SALL3: variants seen among roughly 807,000 people sequenced by gnomAD.
SALL3 encodes the protein spalt like transcription factor 3.
Under a neutral mutation model 66.2 loss-of-function variants are expected in SALL3, and 25 were observed. The observed-to-expected ratio is 0.38, with a 90% CI of 0.28 to 0.53. The LOEUF is 0.53. Among genes scored for constraint, SALL3 ranks in the 20% least tolerant of loss-of-function variants. The probability of loss-of-function intolerance (pLI) is 0.85; values close to 1 mark genes in which losing one functional copy is unlikely to be tolerated. For missense variants in SALL3, 2,194 were observed against 1,916.5 expected (o/e 1.14, Z -2.70); for synonymous variants, 1,152 against 899.1 (o/e 1.28, Z -5.03).
chr18:78,992,694 C>T lies in SALL3; in HGVS notation c.703C>T (p.Arg235Cys), dbSNP rs2472641. ...CCGCAGCCAGGTGGCCCTCATGCAG[C>T]GCCCGCCGCCGCGGCCCTCACTCAG... ...QIRSQVALMQ[R>C]PPPRPSLSPA... is the part of the protein sequence containing the mutation. Residue 235 changes from arginine (R) to cysteine (C), a missense_variant, in exon 2 of 3, where the codon CGC becomes TGC. Physicochemically the swap from Arg to Cys is radical, Grantham distance 180 (BLOSUM62 -3). Transcript: ENST00000537592. The T allele has an allele frequency of 1.3e-6, 2 of 1,509,080 alleles. No individual in the cohort carries two copies. The highest frequency in any genetic ancestry group is 5.6e-5 in the East Asian group (2 of 35,958). The allele number at this position is 1,509,080 out of a possible 1,614,324, so 93.5% of individuals were successfully genotyped here.
At position 78,994,405 on chromosome 18, in the gene SALL3, T is replaced by G; in HGVS notation, c.2414T>G (p.Met805Arg). ...GATGACGACATGGACGAGAACTCCA[T>G]GGAGGACGACGCTGAGCTGAAGGAC... ...SYDDDMDENS[M>R]EDDAELKDAA... The change falls in exon 2 of 3, where the codon ATG (methionine) becomes AGG (arginine). Residue 805 changes from methionine (M) to arginine (R), a missense_variant. Physicochemically the swap from Met to Arg is moderately conservative, Grantham distance 91 (BLOSUM62 -1). Transcript: ENST00000537592. 6.2e-7 allele frequency: 1 copy of G among 1,612,968 alleles called. No homozygotes were observed. The highest frequency in any genetic ancestry group is 8.5e-7 in the Non-Finnish European group (1 of 1,179,988).
Position 78,995,219 on chromosome 18 carries a change from GGGTCCCCCGCTGCCCGCGGGCGTCCA to G in SALL3, c.3236_3261del (p.Pro1079ArgfsTer45). ...ACGGCAAGGCCATGGCGCTGGGCGA[GGGTCCCCCGCTGCCCGCGGGCGTCCA>G]GGTCCCCGCCGGGCCTCAGACAGTG... On this transcript the variant is annotated frameshift_variant, in exon 2 of 3. Transcript: ENST00000537592. LOFTEE classifies it high-confidence loss of function. 1 of 1,607,414 alleles carries G rather than the reference GGGTCCCCCGCTGCCCGCGGGCGTCCA, an allele frequency of 6.2e-7. No homozygotes were observed. Among genetic ancestry groups the G allele is most frequent in the Non-Finnish European group, 8.5e-7 (1 of 1,179,902 alleles).
In SALL3 at chr18:78,997,539, C is replaced by G. The variant is rs970429922; in HGVS notation, c.*217C>G. ...ACTCTGCAATCTTTTAAATAAGCTTCCTTCAAAAAAAAAAGTGCTTGGAAA... is the reference window on the plus strand; with the variant it reads ...ACTCTGCAATCTTTTAAATAAGCTTGCTTCAAAAAAAAAAGTGCTTGGAAA... On this transcript the variant is annotated 3_prime_UTR_variant, in exon 3 of 3. Transcript: ENST00000537592. 2 of 535,398 alleles carry G rather than the reference C, an allele frequency of 3.7e-6. No homozygotes were observed. Among genetic ancestry groups the G allele is most frequent in the African/African-American group, 3.8e-5 (2 of 52,888 alleles). The allele number at this position is 535,398 out of a possible 1,614,324, so 33.2% of individuals were successfully genotyped here.
In SALL3 at chr18:78,982,901, A is replaced by C. The variant is rs546564428; in HGVS notation, c.82+2545A>C. ...GTCCTGCAGAACAAATATTCTATGC[A>C]AAAATGTTTAGTATAATGGGGGACA... On this transcript the variant is annotated intron_variant, in intron 1 of 2. Coordinates refer to ENST00000537592, the MANE Select transcript of SALL3 (RefSeq NM_171999.4). 2.6e-5 allele frequency among the ~76,000 whole-genome samples: 4 copies of C among 152,328 alleles called. No homozygotes were observed. The South Asian group carries it at 8.3e-4, about 32-fold the overall frequency.
rs750986000 is a variant in SALL3, at chr18:78,992,598, C to CCCCTGATCCTGGAACAGCTCATGG, written c.613_636dup (p.Ile205_Leu212dup). ...TGGAGGCGTGGCAGCTGCAGCCGTGCCCCTGATCCTGGAACAGCTCATGGC... is the reference window on the plus strand; with the variant it reads ...TGGAGGCGTGGCAGCTGCAGCCGTGCCCCTGATCCTGGAACAGCTCATGGCCCTGATCCTGGAACAGCTCATGGC... On this transcript the variant is annotated inframe_insertion, in exon 2 of 3. Coordinates refer to ENST00000537592, the MANE Select transcript of SALL3 (RefSeq NM_171999.4). The CCCCTGATCCTGGAACAGCTCATGG allele has an allele frequency of 1.0e-5, 16 of 1,535,672 alleles. No individual in the cohort carries two copies. Among genetic ancestry groups the CCCCTGATCCTGGAACAGCTCATGG allele is most frequent in the Admixed American group, 1.8e-5 (1 of 54,542 alleles).
chr18:78,989,488 T>A (rs996505702), intron 1 of SALL3, among the ~76,000 whole-genome samples: 2 of 152,350 alleles, frequency 1.3e-5, no homozygotes, highest in South Asian at 4.1e-4. Flanking sequence ...TGTAAGTTAA[T>A]TCTTTCAACA....
intron 2 of SALL3, among the ~76,000 whole-genome samples, 185 bp downstream of exon 2, chr18:78,995,647 G>A (rs1257173759): frequency 6.6e-6 from 1 of 152,054 alleles, no homozygotes; most frequent in Non-Finnish European, 1.5e-5. Flanking sequence ...TGTGTGTGTC[G>A]GGTGTGCGTG....
chr18:78,992,750 G>T lies in SALL3; in HGVS notation c.759G>T (p.Pro253=). Residue 253 remains proline (P), a synonymous_variant, in exon 2 of 3, where the codon CCG becomes CCT. Transcript: ENST00000537592. The stretch of plus-strand genomic sequence containing the variant: ...CGGCCGCCCCGAGCGCACCGGGCCC[G>T]GCCCCCAGCCAGCTGCCCGGGCTGG... ...SPAAAPSAPG[P]APSQLPGLAA... 1.7e-6 allele frequency: 2 copies of T among 1,164,536 alleles called. No homozygotes were observed. The highest frequency in any genetic ancestry group is 1.7e-5 in the African/African-American group (1 of 59,736). 72.1% of individuals were successfully genotyped at this position (1,164,536 alleles called of 1,614,324 possible). A position where few individuals can be genotyped will look rare whatever the true frequency, so the allele number is the denominator to read the frequency against.
In SALL3 at chr18:78,993,244, T is replaced by A. The variant is rs1488612382; in HGVS notation, c.1253T>A (p.Phe418Tyr). The A allele has an allele frequency of 6.2e-6, 10 of 1,611,032 alleles. No individual in the cohort carries two copies. Among genetic ancestry groups the A allele is most frequent in the Non-Finnish European group, 7.6e-6 (9 of 1,179,734 alleles). ...EPKASAEDPF[F>Y]KHKCRFCAKV... ...AAAGCCAGCGCCGAGGACCCGTTCT[T>A]CAAGCACAAATGCCGCTTCTGCGCC... Residue 418 changes from phenylalanine (F) to tyrosine (Y), a missense_variant, in exon 2 of 3, where the codon TTC (phenylalanine) becomes TAC (tyrosine). Transcript: ENST00000537592.
chr18:78,990,811 G>A (rs1914404082), intron 1 of SALL3, among the ~76,000 whole-genome samples: 1 of 152,116 alleles, frequency 6.6e-6, no homozygotes, highest in Admixed American at 6.5e-5. Flanking sequence ...GTAATATCCA[G>A]GCGAGCACAG....
chr18:78,988,678 GTTC>G (rs1186570396), intron 1 of SALL3, among the ~76,000 whole-genome samples: 2 of 152,052 alleles, frequency 1.3e-5, no homozygotes, highest in Non-Finnish European at 2.9e-5. Flanking sequence ...TGTGAAATTC[GTTC>G]TTATCTACAA....
At position 78,980,348 on chromosome 18, in the gene SALL3, C is replaced by A. The variant is rs1246034357; in HGVS notation, c.74C>A (p.Pro25His). The change falls in exon 1 of 3, where the codon CCC (proline) becomes CAC (histidine). Residue 25 changes from proline (P) to histidine (H), a missense_variant. By Grantham distance (77) the Pro-to-His change is moderately conservative. Transcript: ENST00000537592. The stretch of plus-strand genomic sequence containing the variant: ...GAGCTGCTGCCGCCTGACGGGGCTC[C>A]CGAGCACGGTGAGGGCCGGGGCTGC... ...DEELLPPDGA[P>H]EHAAPGEGAE... The A allele has an allele frequency of 4.2e-6, 6 of 1,439,006 alleles. No homozygotes were observed. In the East Asian group the frequency reaches 1.8e-4, roughly 44 times the overall value. 89.1% of individuals were successfully genotyped at this position (1,439,006 alleles called of 1,614,324 possible). A position where few individuals can be genotyped will look rare whatever the true frequency, so the allele number is the denominator to read the frequency against.
chr18:78,995,330 C>T lies in SALL3; in HGVS notation c.3339C>T (p.His1113=), dbSNP rs376801989. The change falls in exon 2 of 3, where the codon CAC becomes CAT. Residue 1113 remains histidine (H), a synonymous_variant. Coordinates refer to ENST00000537592, the MANE Select transcript of SALL3 (RefSeq NM_171999.4). ...APPPRRTPKQ[H]NCQSCGKTFS... Reference sequence around the variant, plus strand: ...CACCGCGCCGGACGCCCAAGCAGCACAACTGCCAGTCGTGCGGGAAGACCT... The same window carrying T: ...CACCGCGCCGGACGCCCAAGCAGCATAACTGCCAGTCGTGCGGGAAGACCT... 40 of 1,570,632 alleles carry T rather than the reference C, an allele frequency of 2.5e-5. No individual in the cohort carries two copies. Among genetic ancestry groups the T allele is most frequent in the Non-Finnish European group, 3.2e-5 (37 of 1,164,310 alleles).
In SALL3 at chr18:78,993,701, C is replaced by A; in HGVS notation, c.1710C>A (p.Leu570=). The change falls in exon 2 of 3, where the codon CTC becomes CTA. Residue 570 remains leucine, a synonymous_variant. Transcript: ENST00000537592. ...AGTGCGCCTCCTTGTCCCCAGGCCT[C>A]AACCACGTGGAGTCCGGCGTGTCGG... ...SSECASLSPG[L]NHVESGVSAT... The A allele has an allele frequency of 6.4e-7, 1 of 1,572,414 alleles. No homozygotes were observed. Among genetic ancestry groups the A allele is most frequent in the Non-Finnish European group, 8.6e-7 (1 of 1,166,556 alleles).
At position 78,994,113 on chromosome 18, in the gene SALL3, A is replaced by G. The variant is rs1914586807; in HGVS notation, c.2122A>G (p.Lys708Glu). The change falls in exon 2 of 3, where the codon AAG becomes GAG. Residue 708 changes from lysine (K) to glutamate (E), a missense_variant. Lys to Glu is a moderately conservative substitution (Grantham distance 56). Coordinates refer to ENST00000537592, the MANE Select transcript of SALL3 (RefSeq NM_171999.4). The part of the protein sequence containing the change: ...YRTHTGERPF[K>E]CKICGRAFTT... ...GACGCACACGGGGGAGCGGCCGTTCAAGTGCAAGATCTGCGGCCGCGCCTT... is the reference window on the plus strand; with the variant it reads ...GACGCACACGGGGGAGCGGCCGTTCGAGTGCAAGATCTGCGGCCGCGCCTT... The G allele has an allele frequency of 6.2e-7, 1 of 1,612,978 alleles. No homozygotes were observed. The highest frequency in any genetic ancestry group is 8.5e-7 in the Non-Finnish European group (1 of 1,179,980).
At chr18:78,983,189 A>G (rs902609504) in intron 1 of SALL3, among the ~76,000 whole-genome samples, 5 of 152,220 alleles carry the variant, frequency 3.3e-5, no homozygotes, top group Admixed American at 6.5e-5. Context: ...AAAATTACTT[A>G]CTTGCAAATG....
chr18:78,980,360 A>T lies in SALL3; in HGVS notation c.82+4A>T. The T allele has an allele frequency of 7.0e-7, 1 of 1,429,992 alleles. No homozygotes were observed. The highest frequency in any genetic ancestry group is 9.2e-7 in the Non-Finnish European group (1 of 1,085,078). The allele number at this position is 1,429,992 out of a possible 1,614,324, so 88.6% of individuals were successfully genotyped here. On this transcript the variant is annotated splice_donor_region_variant and intron_variant, in intron 1 of 2. Transcript: ENST00000537592. Reference sequence around the variant, plus strand: ...CCTGACGGGGCTCCCGAGCACGGTGAGGGCCGGGGCTGCGGGGTGGCCGGG... The same window carrying T: ...CCTGACGGGGCTCCCGAGCACGGTGTGGGCCGGGGCTGCGGGGTGGCCGGG...
intron 1 of SALL3, among the ~76,000 whole-genome samples, chr18:78,988,835 AATAATCTGAG>A (rs1914334321): frequency 6.6e-6 from 1 of 152,190 alleles, no homozygotes; most frequent in African/African-American, 2.4e-5. Context: ...ATTTGCCTGA[AATAATCTGAG>A]TTGTATTGAA....
Position 78,993,466 on chromosome 18 carries a change from C to T in SALL3, c.1475C>T (p.Pro492Leu). ...YPVPEYLDNV[P>L]TCSGIPYGMS... is the part of the protein sequence containing the mutation. Reference sequence around the variant, plus strand: ...GTCCCCGAGTACCTGGACAACGTGCCCACCTGCTCGGGCATCCCCTACGGC... The same window carrying T: ...GTCCCCGAGTACCTGGACAACGTGCTCACCTGCTCGGGCATCCCCTACGGC... Residue 492 changes from proline to leucine, a missense_variant, in exon 2 of 3, where the codon CCC becomes CTC. Transcript: ENST00000537592. 2.5e-6 allele frequency: 4 copies of T among 1,612,828 alleles called. No homozygotes were observed. The highest frequency in any genetic ancestry group is 2.5e-6 in the Non-Finnish European group (3 of 1,179,912).
Sources: gnomAD v4.1 joint callset for allele counts (sites outside exome capture counted in the v4.1 genomes callset) on GRCh38, gnomAD v4.1.1 for gene constraint, MANE v1.5 for transcripts, NCBI Gene and HGNC (gene_info 2026-07-23, HGNC 2026-07-21) for gene names.